FOXN3: variants seen among roughly 807,000 people sequenced by gnomAD.
The protein encoded by FOXN3 is forkhead box protein N3.
A neutral mutation model predicts 38.4 loss-of-function variants in FOXN3; 7 were observed. That is an observed-to-expected ratio of 0.18 (90% confidence interval 0.10 to 0.34). The LOEUF is 0.34. Among genes scored for constraint, FOXN3 ranks in the 10% least tolerant of loss-of-function variants. The probability of loss-of-function intolerance (pLI) is 1.00; values close to 1 mark genes in which losing one functional copy is unlikely to be tolerated. For missense variants in FOXN3, 456 were observed against 613.4 expected (o/e 0.74, Z 2.71); for synonymous variants, 230 against 242.2 (o/e 0.95, Z 0.47).
intron 4 of FOXN3, among the ~76,000 whole-genome samples, chr14:89,199,899 A>G (rs1888192337): frequency 6.6e-6 from 1 of 151,980 alleles, no homozygotes; most frequent in South Asian, 2.1e-4. Flanking sequence ...GCGAGACTCC[A>G]TCTCAGACAA....
At chr14:89,373,454 G>C (rs1366526327) in intron 2 of FOXN3, among the ~76,000 whole-genome samples, 1 of 122,918 alleles carries the variant, frequency 8.1e-6, no homozygotes, top group South Asian at 3.0e-4. Context: ...CACGTAAGCA[G>C]AAAGTCTTTT....
In FOXN3 at chr14:89,409,109, G is replaced by T. The variant is rs182072802; in HGVS notation, c.543+2825C>A. ...AAAAGTGGAAAAACTCACACCTCTT[G>T]CTTTGTTCTCACAGAATCGCAAATG... On this transcript the variant is annotated intron_variant, in intron 2 of 5. Coordinates refer to ENST00000557258, the MANE Select transcript of FOXN3 (RefSeq NM_005197.4). Among the ~76,000 whole-genome samples the T allele has an allele frequency of 7.2e-4, 110 of 152,306 alleles. 1 individual carries two copies. The highest frequency in any genetic ancestry group is 2.6e-3 in the African/African-American group (108 of 41,564).
intron 2 of FOXN3, among the ~76,000 whole-genome samples, chr14:89,376,897 C>G (rs1596237972): frequency 6.6e-6 from 1 of 151,318 alleles, no homozygotes; most frequent in East Asian, 1.9e-4. Flanking sequence ...GCCTGTAATC[C>G]CAGCTACTCA....
chr14:89,569,974 G>C (rs952557841), intron 1 of FOXN3, among the ~76,000 whole-genome samples: 4 of 151,816 alleles, frequency 2.6e-5, no homozygotes, highest in Non-Finnish European at 4.4e-5. Flanking sequence ...CCACAGGGAA[G>C]ACAGGAAACA....
intron 4 of FOXN3, among the ~76,000 whole-genome samples, chr14:89,218,311 A>C (rs562974708): frequency 6.6e-6 from 1 of 152,344 alleles, no homozygotes; most frequent in African/African-American, 2.4e-5. Context: ...TGTGATTTTT[A>C]ATTAATCACA....
chr14:89,357,575 T>A (rs1440827642), intron 2 of FOXN3, among the ~76,000 whole-genome samples: 1 of 150,822 alleles, frequency 6.6e-6, no homozygotes, highest in Non-Finnish European at 1.5e-5. Flanking sequence ...GCCACTGCAC[T>A]CCAGCCTGGG....
At chr14:89,478,864 G>T (rs928524746) in intron 1 of FOXN3, among the ~76,000 whole-genome samples, 1 of 138,226 alleles carries the variant, frequency 7.2e-6, no homozygotes, top group African/African-American at 2.7e-5. Context: ...CCCAGGAGGC[G>T]GAGGTTGCAG....
At chr14:89,252,908 T>C (rs1305857568) in intron 4 of FOXN3, among the ~76,000 whole-genome samples, 1 of 152,094 alleles carries the variant, frequency 6.6e-6, no homozygotes, top group Non-Finnish European at 1.5e-5. Flanking sequence ...GTAGGTACTG[T>C]CCCAAAGGGT....
intron 4 of FOXN3, among the ~76,000 whole-genome samples, chr14:89,202,469 C>G (rs1596099924): frequency 6.6e-6 from 1 of 152,200 alleles, no homozygotes; most frequent in Non-Finnish European, 1.5e-5. Context: ...AGCTGCTTCT[C>G]AAACATCTGG....
intron 2 of FOXN3, among the ~76,000 whole-genome samples, chr14:89,389,306 CAA>C (rs35345814): frequency 1.4e-5 from 2 of 146,700 alleles, no homozygotes; most frequent in Non-Finnish European, 3.0e-5. Flanking sequence ...GTACTTAAAA[CAA>C]AAAAAAAAGA....
intron 1 of FOXN3, among the ~76,000 whole-genome samples, chr14:89,468,330 T>C (rs1336750493): frequency 2.0e-5 from 3 of 152,114 alleles, no homozygotes; most frequent in African/African-American, 7.2e-5. Context: ...GGGAGGCACC[T>C]GTAGTCCCAG....
intron 2 of FOXN3, among the ~76,000 whole-genome samples, chr14:89,374,229 A>G (rs1030487089): frequency 2.3e-5 from 3 of 128,546 alleles, no homozygotes; most frequent in Non-Finnish European, 4.7e-5. Flanking sequence ...GTGCCACTGC[A>G]CTCCAGCCAG....
In FOXN3 at chr14:89,157,442, A is replaced by G. The variant is rs534979969; in HGVS notation, c.*4972T>C. 2.6e-5 allele frequency: 4 copies of G among 152,650 alleles called. No individual in the cohort carries two copies. The highest frequency in any genetic ancestry group is 5.9e-5 in the Non-Finnish European group (4 of 68,044). 9.5% of individuals were successfully genotyped at this position (152,650 alleles called of 1,614,324 possible). A position where few individuals can be genotyped will look rare whatever the true frequency, so the allele number is the denominator to read the frequency against. On this transcript the variant is annotated 3_prime_UTR_variant, in exon 6 of 6. Transcript: ENST00000557258. Reference sequence around the variant, plus strand: ...GAGAGAGAGAAAACACAAGGAGTTAACCACCATCGCCGGTGCTCTCTCAAA... The same window carrying G: ...GAGAGAGAGAAAACACAAGGAGTTAGCCACCATCGCCGGTGCTCTCTCAAA...
intron 1 of FOXN3, among the ~76,000 whole-genome samples, chr14:89,543,340 C>G (rs1042703466): frequency 2.0e-5 from 3 of 152,110 alleles, no homozygotes; most frequent in South Asian, 2.1e-4. Flanking sequence ...ACAAGACTGA[C>G]CTCTTTAGCT....
intron 2 of FOXN3, among the ~76,000 whole-genome samples, chr14:89,396,468 A>G (rs1389261502): frequency 2.0e-5 from 3 of 152,194 alleles, no homozygotes; most frequent in African/African-American, 7.2e-5. Context: ...ATCCCAGCAA[A>G]AAGAACTCTA....
chr14:89,320,697 A>C (rs1216525457), intron 3 of FOXN3, among the ~76,000 whole-genome samples: 1 of 152,214 alleles, frequency 6.6e-6, no homozygotes, highest in Non-Finnish European at 1.5e-5. Context: ...CATCAATACA[A>C]ACTTCAGATA....
intron 1 of FOXN3, among the ~76,000 whole-genome samples, chr14:89,447,273 G>A (rs1316233044): frequency 1.3e-5 from 2 of 151,648 alleles, no homozygotes; most frequent in Non-Finnish European, 2.9e-5. Context: ...GTAATGCCTT[G>A]GATACCTGAT....
intron 1 of FOXN3, among the ~76,000 whole-genome samples, chr14:89,540,482 C>T (rs1223673961): frequency 6.6e-6 from 1 of 152,194 alleles, no homozygotes; most frequent in Non-Finnish European, 1.5e-5. Flanking sequence ...CGCCTGTAAT[C>T]CCAGCACTCT....
At chr14:89,454,223 G>C (rs932958860) in intron 1 of FOXN3, among the ~76,000 whole-genome samples, 9 of 152,202 alleles carry the variant, frequency 5.9e-5, no homozygotes, top group Non-Finnish European at 1.2e-4. Flanking sequence ...AGAATCGCTT[G>C]AATCCAGGAG....
Sources: allele counts gnomAD v4.1 joint callset (sites outside exome capture counted in the v4.1 genomes callset), GRCh38; gene constraint gnomAD v4.1.1; transcripts MANE v1.5; gene names NCBI Gene and HGNC (gene_info 2026-07-23, HGNC 2026-07-21).